Variants in AFAP1 observed in about 807,000 individuals in gnomAD.
The protein encoded by AFAP1 is actin filament-associated protein 1.
A neutral mutation model predicts 93.9 loss-of-function variants in AFAP1; 75 were observed. The ratio of observed to expected loss-of-function variants is 0.80; its 90% CI spans 0.66 to 0.97. The LOEUF (loss-of-function observed/expected upper bound fraction) is 0.97. Ranked by LOEUF, AFAP1 falls within the 50% of genes least tolerant of loss-of-function variation. The probability of loss-of-function intolerance (pLI) is 0.00; values close to 1 mark genes in which losing one functional copy is unlikely to be tolerated. For synonymous variants in AFAP1, 517 were observed against 430.7 expected (o/e 1.20, Z -2.48); for missense variants, 1,201 against 1,050.8 (o/e 1.14, Z -1.98).
At chr4:7,929,166 C>T (rs1577367555) in intron 1 of AFAP1, among the ~76,000 whole-genome samples, 1 of 152,104 alleles carries the variant, frequency 6.6e-6, no homozygotes, top group Non-Finnish European at 1.5e-5. Context: ...TGTCTCCTGC[C>T]CCCTGTACAA....
rs186329497 is a variant in AFAP1, at chr4:7,781,666, C to T, written c.1531-39G>A. 208 of 1,544,930 alleles carry T rather than the reference C, an allele frequency of 1.3e-4. No individual in the cohort carries two copies. The African/African-American group carries it at 2.4e-3, about 18-fold the overall frequency. ...AGCTTTGTGGTTAGTGACTTGGACA[C>T]AGGAAACAGCAGCTTTTAGCACAGT... On this transcript the variant is annotated intron_variant, in intron 12 of 17. Transcript: ENST00000420658.
chr4:7,786,650 A>G (rs1202867605), intron 11 of AFAP1, among the ~76,000 whole-genome samples: 1 of 150,160 alleles, frequency 6.7e-6, no homozygotes, highest in Non-Finnish European at 1.5e-5. Flanking sequence ...AGGTACACGC[A>G]GCAAAGTCTG....
chr4:7,842,624 C>A (rs1049707049), intron 5 of AFAP1: 1 of 154,022 alleles, frequency 6.5e-6, no homozygotes, highest in Non-Finnish European at 1.4e-5. Flanking sequence ...CAGCAAGGTC[C>A]AGGTTCTCGC....
At chr4:7,839,123 C>T (rs1712679421) in intron 5 of AFAP1, among the ~76,000 whole-genome samples, 1 of 152,072 alleles carries the variant, frequency 6.6e-6, no homozygotes, top group African/African-American at 2.4e-5. Context: ...TCACTTGAGC[C>T]CAGGAGTTCA....
In AFAP1 at chr4:7,915,936, G is replaced by A. The variant is rs921854665; in HGVS notation, c.-3+23720C>T. 3.9e-5 allele frequency among the ~76,000 whole-genome samples: 6 copies of A among 152,206 alleles called. No homozygotes were observed. The South Asian group carries it at 1.2e-3, about 32-fold the overall frequency. On this transcript the variant is annotated intron_variant, in intron 1 of 17. Transcript: ENST00000420658. ...AAGAATTTTTTTAAAAGTGGGGGTGGTGGAAAAATAGGAGGGAGAGGACGG... is the reference window on the plus strand; with the variant it reads ...AAGAATTTTTTTAAAAGTGGGGGTGATGGAAAAATAGGAGGGAGAGGACGG...
chr4:7,878,930 A>G (rs1717681309), intron 1 of AFAP1, among the ~76,000 whole-genome samples: 1 of 152,196 alleles, frequency 6.6e-6, no homozygotes, highest in African/African-American at 2.4e-5. Flanking sequence ...CATCCCTCAT[A>G]GGTTACGTTC....
intron 10 of AFAP1, among the ~76,000 whole-genome samples, chr4:7,796,202 A>G (rs1434847196): frequency 6.6e-6 from 1 of 152,072 alleles, no homozygotes; most frequent in Non-Finnish European, 1.5e-5. Context: ...ATTCTCCACT[A>G]AAAGGAATCA....
chr4:7,888,468 A>G (rs1180468717), intron 1 of AFAP1, among the ~76,000 whole-genome samples: 1 of 152,226 alleles, frequency 6.6e-6, no homozygotes. Flanking sequence ...CCATAAGGAA[A>G]TATTATGAAT....
At chr4:7,808,618 G>A (rs191661316) in intron 9 of AFAP1, among the ~76,000 whole-genome samples, 100 of 152,264 alleles carry the variant, frequency 6.6e-4, no homozygotes, top group Middle Eastern at 3.4e-3. Context: ...AAATTGGTTC[G>A]GTCATTGGTA....
chr4:7,938,058 T>TA (rs1190378140), intron 1 of AFAP1, among the ~76,000 whole-genome samples: 1 of 152,156 alleles, frequency 6.6e-6, no homozygotes, highest in Non-Finnish European at 1.5e-5. Flanking sequence ...CATAAGCTCT[T>TA]AAAGACCAGG....
At chr4:7,765,586 A>G (rs112638462) in intron 17 of AFAP1, among the ~76,000 whole-genome samples, 1 of 152,162 alleles carries the variant, frequency 6.6e-6, no homozygotes, top group East Asian at 1.9e-4. Flanking sequence ...TGGTCTCTGG[A>G]GCTACGTGGA....
In AFAP1 at chr4:7,932,094, G is replaced by A. The variant is rs140343761; in HGVS notation, c.-3+7562C>T. On this transcript the variant is annotated intron_variant, in intron 1 of 17. Transcript: ENST00000420658. ...AGGATGGTCTCGATCTCCTGACCTC[G>A]TGATCCACCCTCCTAGGCCTCCCAA... Among the ~76,000 whole-genome samples, 10 of 151,972 alleles carry A rather than the reference G, an allele frequency of 6.6e-5. No homozygotes were observed. The South Asian group carries it at 1.5e-3, about 22-fold the overall frequency.
intron 4 of AFAP1, among the ~76,000 whole-genome samples, chr4:7,846,045 A>G (rs2149122077): frequency 6.6e-6 from 1 of 152,312 alleles, no homozygotes; most frequent in Non-Finnish European, 1.5e-5. Context: ...AAAAAGTCTG[A>G]GAAGGAGAAA....
Position 7,760,340 on chromosome 4 carries a change from G to A in AFAP1, c.*3425C>T, listed in dbSNP as rs1038112764. 9 of 152,362 alleles carry A rather than the reference G, an allele frequency of 5.9e-5. No homozygotes were observed. Among genetic ancestry groups the A allele is most frequent in the African/African-American group, 2.2e-4 (9 of 41,480 alleles). The allele number at this position is 152,362 out of a possible 1,614,324, so 9.4% of individuals were successfully genotyped here. A position where few individuals can be genotyped will look rare whatever the true frequency, so the allele number is the denominator to read the frequency against. On this transcript the variant is annotated 3_prime_UTR_variant, in exon 18 of 18. Coordinates refer to ENST00000420658, the MANE Select transcript of AFAP1 (RefSeq NM_001134647.2). Reference sequence around the variant, plus strand: ...AACGCCAGGGCATAGGCACAGAGGGGCGAGATGGGACTGACCCAGCTGGTA... The same window carrying A: ...AACGCCAGGGCATAGGCACAGAGGGACGAGATGGGACTGACCCAGCTGGTA...
In AFAP1 at chr4:7,809,597, G is replaced by C; in HGVS notation, c.1054+17C>G. Reference sequence around the variant, plus strand: ...ACTTAGGTGCACGCTGCTCGTCTCCGGGAAGCGCAGTCTTACCGCAGGTGG... The same window carrying C: ...ACTTAGGTGCACGCTGCTCGTCTCCCGGAAGCGCAGTCTTACCGCAGGTGG... On this transcript the variant is annotated intron_variant, in intron 9 of 17. Transcript: ENST00000420658. 1.1e-5 allele frequency: 17 copies of C among 1,607,476 alleles called. No individual in the cohort carries two copies. The highest frequency in any genetic ancestry group is 1.4e-5 in the Non-Finnish European group (17 of 1,177,146).
At chr4:7,812,066 G>C (rs1247268836) in intron 8 of AFAP1, among the ~76,000 whole-genome samples, 2 of 151,992 alleles carry the variant, frequency 1.3e-5, no homozygotes, top group Non-Finnish European at 2.9e-5. Flanking sequence ...ACAGGGAGCG[G>C]CGGCTAGGAC....
At chr4:7,871,179 T>A (rs1430724814) in intron 2 of AFAP1, among the ~76,000 whole-genome samples, 1 of 152,162 alleles carries the variant, frequency 6.6e-6, no homozygotes, top group African/African-American at 2.4e-5. Context: ...CTGCTCACTG[T>A]GCATCAAAGA....
At position 7,793,699 on chromosome 4, in the gene AFAP1, G is replaced by A. The variant is rs761414047; in HGVS notation, c.1394C>T (p.Thr465Ile). ...DVEMSASVIQ[T>I]AKQTFCFMNR... Reference sequence around the variant, plus strand: ...GTCTTACCAGAAGGTCTGTTTGGCTGTCTGAATGACACTTGCAGACATCTC... The same window carrying A: ...GTCTTACCAGAAGGTCTGTTTGGCTATCTGAATGACACTTGCAGACATCTC... The change falls in exon 11 of 18, where the codon ACA becomes ATA. Residue 465 changes from threonine (T) to isoleucine (I), a missense_variant. Transcript: ENST00000420658. 3 of 1,553,584 alleles carry A rather than the reference G, an allele frequency of 1.9e-6. No individual in the cohort carries two copies. The highest frequency in any genetic ancestry group is 1.7e-5 in the Admixed American group (1 of 59,174).
intron 1 of AFAP1, among the ~76,000 whole-genome samples, chr4:7,925,833 G>A (rs1273300389): frequency 3.9e-5 from 5 of 128,672 alleles, no homozygotes; most frequent in African/African-American, 1.2e-4. Context: ...CAATAAGAGC[G>A]AAACTCTGTC....
Sources: allele counts gnomAD v4.1 joint callset (sites outside exome capture counted in the v4.1 genomes callset), GRCh38; gene constraint gnomAD v4.1.1; transcripts MANE v1.5; gene names NCBI Gene and HGNC (gene_info 2026-07-23, HGNC 2026-07-21).